DPP10: variants seen among roughly 807,000 people sequenced by gnomAD.
DPP10 encodes inactive dipeptidyl peptidase 10.
DPP10 carries 33 observed loss-of-function variants against 120.9 expected under a neutral mutation model. The observed-to-expected ratio is 0.27, with a 90% confidence interval of 0.21 to 0.37. The LOEUF is 0.37. DPP10 is among the 10% of genes least tolerant of loss of function. The probability of loss-of-function intolerance (pLI) is 1.00; values close to 1 mark genes in which losing one functional copy is unlikely to be tolerated. For missense variants in DPP10, 816 were observed against 942.8 expected, an observed-to-expected ratio of 0.87 and a Z score of 1.76; for synonymous variants, 337 against 326.1, an observed-to-expected ratio of 1.03 and a Z score of -0.36.
chr2:115,162,203 C>T, intron 1 of DPP10: 3 of 1,554,722 alleles, frequency 1.9e-6, no homozygotes, highest in Non-Finnish European at 2.6e-6. Context: ...AAGTTAGAGC[C>T]TCTGCGTGCG....
chr2:114,580,710 A>G (rs1003480122), intron 1 of DPP10, among the ~76,000 whole-genome samples: 3 of 149,114 alleles, frequency 2.0e-5, no homozygotes, highest in African/African-American at 7.4e-5. Context: ...CGCATTAATC[A>G]TATCACATCT....
chr2:114,564,436 G>A (rs1244907268), intron 1 of DPP10, among the ~76,000 whole-genome samples: 3 of 152,100 alleles, frequency 2.0e-5, no homozygotes. Context: ...GTTGTCTGAT[G>A]GCAAAGCACC....
chr2:114,571,600 T>C (rs554096415), intron 1 of DPP10, among the ~76,000 whole-genome samples: 1 of 152,166 alleles, frequency 6.6e-6, no homozygotes, highest in South Asian at 2.1e-4. Context: ...CTAAAACTTA[T>C]GGAGGGAACC....
chr2:114,918,163 AGAC>A (rs1694940449), intron 1 of DPP10, among the ~76,000 whole-genome samples: 1 of 152,236 alleles, frequency 6.6e-6, no homozygotes, highest in Non-Finnish European at 1.5e-5. Flanking sequence ...ACTTCCCAAA[AGAC>A]GACATGCATG....
At chr2:115,153,275 G>C (rs187160767) in intron 1 of DPP10, among the ~76,000 whole-genome samples, 1 of 152,250 alleles carries the variant, frequency 6.6e-6, no homozygotes, top group Admixed American at 6.5e-5. Context: ...GCAGAAATAT[G>C]AGGGACCAAT....
chr2:114,551,289 T>TC (rs1387811434), intron 1 of DPP10, among the ~76,000 whole-genome samples: 1 of 152,150 alleles, frequency 6.6e-6, no homozygotes, highest in East Asian at 1.9e-4. Flanking sequence ...TCTGGAATGG[T>TC]CCCCATCATG....
intron 5 of DPP10, among the ~76,000 whole-genome samples, chr2:115,672,710 C>CTTTCTTTCTTTCTT (rs10648959): frequency 1.3e-3 from 19 of 14,162 alleles, no homozygotes; most frequent in Admixed American, 4.1e-3. Context: ...TTCTTTCTTT[C>CTTTCTTTCTTTCTT]TCTTTCTTTC....
chr2:114,837,629 G>A (rs1298409149), intron 1 of DPP10, among the ~76,000 whole-genome samples: 2 of 152,008 alleles, frequency 1.3e-5, no homozygotes, highest in Non-Finnish European at 2.9e-5. Flanking sequence ...AAACTGGGGA[G>A]CAGCTAAGTG....
At chr2:114,543,748 C>CT (rs1022619567) in intron 1 of DPP10, among the ~76,000 whole-genome samples, 1,507 of 146,278 alleles carry the variant, frequency 0.01, 25 homozygotes, top group Admixed American at 0.039. Context: ...GGCCTGAACT[C>CT]TTTTTTTTTT....
At chr2:114,532,286 TATATATATATACAC>T (rs1686069883) in intron 1 of DPP10, among the ~76,000 whole-genome samples, 1 of 50,280 alleles carries the variant, frequency 2.0e-5, no homozygotes, top group African/African-American at 6.1e-5. Flanking sequence ...TATATATATA[TATATATATATACAC>T]ACACACACAC....
intron 1 of DPP10, among the ~76,000 whole-genome samples, chr2:115,102,700 C>G (rs886929898): frequency 6.6e-6 from 1 of 151,888 alleles, no homozygotes; most frequent in African/African-American, 2.4e-5. Context: ...TGAGCCACCA[C>G]GCCCGGCCAT....
chr2:115,193,559 G>T (rs1188604728), intron 1 of DPP10, among the ~76,000 whole-genome samples: 2 of 152,186 alleles, frequency 1.3e-5, no homozygotes, highest in Admixed American at 1.3e-4. Flanking sequence ...ATACGTGGGT[G>T]ATTAATTCCT....
intron 3 of DPP10, among the ~76,000 whole-genome samples, chr2:115,364,702 CG>C (rs1559487909): frequency 6.6e-6 from 1 of 150,590 alleles, no homozygotes; most frequent in Non-Finnish European, 1.5e-5. Context: ...GTTCCTAAAC[CG>C]AATTTTCTCA....
Position 115,727,949 on chromosome 2 carries a change from G to C in DPP10, c.697+13G>C. 1 of 1,588,158 alleles carries C rather than the reference G, an allele frequency of 6.3e-7. No homozygotes were observed. Among genetic ancestry groups the C allele is most frequent in the Non-Finnish European group, 8.5e-7 (1 of 1,171,818 alleles). ...TGGTTATATGAAGGTGAGTTGATCAGATTTAGTTTCAAAGGAAACAAATGA... is the reference window on the plus strand; with the variant it reads ...TGGTTATATGAAGGTGAGTTGATCACATTTAGTTTCAAAGGAAACAAATGA... On this transcript the variant is annotated intron_variant, in intron 8 of 25. Transcript: ENST00000410059.
At chr2:114,921,579 G>A (rs1384987698) in intron 1 of DPP10, among the ~76,000 whole-genome samples, 2 of 152,134 alleles carry the variant, frequency 1.3e-5, no homozygotes, top group East Asian at 1.9e-4. Flanking sequence ...ATATTTAGAT[G>A]TCAAATTAAA....
intron 5 of DPP10, among the ~76,000 whole-genome samples, chr2:115,612,435 C>A (rs1170154430): frequency 1.3e-5 from 2 of 152,094 alleles, no homozygotes; most frequent in East Asian, 1.9e-4. Flanking sequence ...GTTTGACTAA[C>A]CTCAAGCCTT....
chr2:115,016,325 C>T (rs140295715), intron 1 of DPP10, among the ~76,000 whole-genome samples: 4 of 152,104 alleles, frequency 2.6e-5, no homozygotes, highest in African/African-American at 9.7e-5. Flanking sequence ...AAACTGGAAC[C>T]CTTCCTTACA....
In DPP10 at chr2:114,542,048, C is replaced by CTTTTTTTTTTTTTTTTTTTTTTT. The variant is rs761961981; in HGVS notation, c.60+99210_60+99211insTTTTTTTTTTTTTTTTTTTTTTT. On this transcript the variant is annotated intron_variant, in intron 1 of 25. Transcript: ENST00000410059. ...TACAGTTTTTTTTCTTTCTTTCTTTCCTTTTTTTTTTTTTTTTGAGATGGA... is the reference window on the plus strand; with the variant it reads ...TACAGTTTTTTTTCTTTCTTTCTTTCTTTTTTTTTTTTTTTTTTTTTTTCTTTTTTTTTTTTTTTTGAGATGGA... Among the ~76,000 whole-genome samples, 2 of 122,202 alleles carry CTTTTTTTTTTTTTTTTTTTTTTT rather than the reference C, an allele frequency of 1.6e-5. 1 individual carries two copies. The highest frequency in any genetic ancestry group is 3.3e-5 in the Non-Finnish European group (2 of 60,190). The allele number at this position is 122,202 out of a possible 152,430, so 80.2% of individuals were successfully genotyped here. A position where few individuals can be genotyped will look rare whatever the true frequency, so the allele number is the denominator to read the frequency against.
chr2:114,920,353 A>G (rs1025293140), intron 1 of DPP10, among the ~76,000 whole-genome samples: 2 of 152,162 alleles, frequency 1.3e-5, no homozygotes, highest in Non-Finnish European at 2.9e-5. Context: ...TGTGACTCAT[A>G]CCTCTAAAAA....
Sources: allele counts gnomAD v4.1 joint callset (sites outside exome capture counted in the v4.1 genomes callset), GRCh38; gene constraint gnomAD v4.1.1; transcripts MANE v1.5; gene names NCBI Gene and HGNC (gene_info 2026-07-23, HGNC 2026-07-21).